Variants in SCAPER observed in about 807,000 individuals in gnomAD.
SCAPER encodes S phase cyclin A-associated protein in the endoplasmic reticulum.
In SCAPER, 98 loss-of-function variants were observed where a neutral mutation model predicts 182.2. The observed-to-expected ratio is 0.54, with a 90% confidence interval of 0.46 to 0.64. SCAPER has a LOEUF of 0.64. SCAPER is among the 30% of genes least tolerant of loss of function. SCAPER has a pLI of 0.00. For missense variants in SCAPER, 1,432 were observed against 1,690.0 expected, an observed-to-expected ratio of 0.85 and a Z score of 2.68; for synonymous variants, 605 against 564.6, an observed-to-expected ratio of 1.07 and a Z score of -1.01.
At chr15:76,795,489 C>T (rs1357842828) in intron 7 of SCAPER, 49 bp from the exon 8 acceptor site, 2 of 1,340,252 alleles carry the variant, frequency 1.5e-6, no homozygotes, top group Non-Finnish European at 9.8e-7. Context: ...AAAAGAAAAA[C>T]TTCTGAATAT....
At chr15:76,744,732 G>C (rs890966195) in intron 15 of SCAPER, among the ~76,000 whole-genome samples, 1 of 152,124 alleles carries the variant, frequency 6.6e-6, no homozygotes, top group African/African-American at 2.4e-5. Context: ...GGCAATTTCT[G>C]AAAGAACTTA....
At chr15:76,904,999 G>A (rs772507014) in intron 1 of SCAPER, among the ~76,000 whole-genome samples, 10 of 152,144 alleles carry the variant, frequency 6.6e-5, no homozygotes, top group Admixed American at 2.6e-4. Context: ...AGTGTGCGGG[G>A]TCTCACGTCC....
chr15:76,394,281 C>T (rs2043903785), intron 27 of SCAPER, among the ~76,000 whole-genome samples: 1 of 152,228 alleles, frequency 6.6e-6, no homozygotes, highest in Non-Finnish European at 1.5e-5. Flanking sequence ...ACTCAAGCTC[C>T]CCTTAGTTAA....
rs559107246 is a variant in SCAPER at position 76,671,428 on chromosome 15, C to T, written c.2509-5639G>A. Among the ~76,000 whole-genome samples, 5 of 152,128 alleles carry T rather than the reference C, an allele frequency of 3.3e-5. No homozygotes were observed. In the South Asian group the frequency reaches 8.3e-4, roughly 25 times the overall value. ...AGAGCAATTAGATATTAAAGTAAAA[C>T]CCATGAAAAATATTTACAACCATAC... On this transcript the variant is annotated intron_variant, in intron 20 of 31. Transcript: ENST00000563290.
chr15:76,433,418 G>A (rs1042865315), intron 26 of SCAPER, among the ~76,000 whole-genome samples: 2 of 152,158 alleles, frequency 1.3e-5, no homozygotes, highest in Admixed American at 6.5e-5. Context: ...TGAGGCAGAA[G>A]AATTGCTTGA....
rs564482814 is a variant in SCAPER at position 76,601,048 on chromosome 15, A to G, written c.2711+20716T>C. 1.0e-3 allele frequency among the ~76,000 whole-genome samples: 126 copies of G among 122,488 alleles called. 25 individuals are homozygous for G. In the South Asian group the frequency reaches 0.03, roughly 29 times the overall value. 80.4% of individuals were successfully genotyped at this position (122,488 alleles called of 152,430 possible). A position where few individuals can be genotyped will look rare whatever the true frequency, so the allele number is the denominator to read the frequency against. ...AAACCGAAGAAAAAATGTATTGAGA[A>G]TTAAAGAAAATGTTAATGTGGATAC... On this transcript the variant is annotated intron_variant, in intron 22 of 31. Transcript: ENST00000563290.
intron 8 of SCAPER, among the ~76,000 whole-genome samples, chr15:76,786,881 C>T (rs552791307): frequency 1.3e-5 from 2 of 152,058 alleles, no homozygotes; most frequent in African/African-American, 2.4e-5. Context: ...AAATTTAAAA[C>T]TTATAATCGC....
chr15:76,858,622 C>T (rs2071606112), intron 3 of SCAPER, among the ~76,000 whole-genome samples: 1 of 152,174 alleles, frequency 6.6e-6, no homozygotes, highest in African/African-American at 2.4e-5. Flanking sequence ...TCCTCCCACC[C>T]TCTACCCTCA....
At chr15:76,365,660 A>AT (rs34465105) in intron 29 of SCAPER, among the ~76,000 whole-genome samples, 43,841 of 151,862 alleles carry the variant, frequency 0.29, 7,259 homozygotes, top group East Asian at 0.58. Flanking sequence ...TTTATTTTGG[A>AT]TTTTTTTTGA....
intron 25 of SCAPER, among the ~76,000 whole-genome samples, chr15:76,436,031 A>T (rs2047176069): frequency 6.6e-6 from 1 of 151,724 alleles, no homozygotes; most frequent in African/African-American, 2.4e-5. Context: ...TTCTTTGCTA[A>T]TTTCCTCCCA....
chr15:76,492,385 TTTAA>T (rs1169921266), intron 24 of SCAPER, among the ~76,000 whole-genome samples: 1 of 152,340 alleles, frequency 6.6e-6, no homozygotes, highest in Non-Finnish European at 1.5e-5. Flanking sequence ...ATAATTGCTA[TTTAA>T]TTATGTTTAT....
intron 22 of SCAPER, among the ~76,000 whole-genome samples, chr15:76,619,663 T>C (rs1359356338): frequency 6.6e-6 from 1 of 152,232 alleles, no homozygotes; most frequent in Non-Finnish European, 1.5e-5. Flanking sequence ...TATGTATACA[T>C]GTGCCATGCT....
At chr15:76,489,452 T>G (rs2052056126) in intron 24 of SCAPER, among the ~76,000 whole-genome samples, 1 of 151,684 alleles carries the variant, frequency 6.6e-6, no homozygotes, top group African/African-American at 2.4e-5. Flanking sequence ...TCTAGTCAAC[T>G]CCTCTCCCAA....
At chr15:76,513,144 A>C (rs2042175268) in intron 23 of SCAPER, among the ~76,000 whole-genome samples, 1 of 152,204 alleles carries the variant, frequency 6.6e-6, no homozygotes, top group African/African-American at 2.4e-5. Context: ...CAAGAGTGGC[A>C]TCTGACTCAT....
intron 20 of SCAPER, among the ~76,000 whole-genome samples, chr15:76,700,845 C>T (rs375128104): frequency 6.6e-6 from 1 of 151,988 alleles, no homozygotes; most frequent in Admixed American, 6.6e-5. Flanking sequence ...TGAAGTCAGG[C>T]AGAAAAGAAT....
At chr15:76,813,252 AAAAC>A (rs1198518244) in intron 5 of SCAPER, among the ~76,000 whole-genome samples, 3 of 58,288 alleles carry the variant, frequency 5.1e-5, no homozygotes, top group African/African-American at 9.9e-5. Context: ...AAAAAAAAAA[AAAAC>A]AACTCAACAA....
rs117474498 is a variant in SCAPER, at chr15:76,430,883, C to T, written c.3311+3195G>A. 3.4e-4 allele frequency among the ~76,000 whole-genome samples: 51 copies of T among 152,232 alleles called. 1 individual carries two copies. In the East Asian group the frequency reaches 8.9e-3, roughly 26 times the overall value. On this transcript the variant is annotated intron_variant, in intron 26 of 31. Transcript: ENST00000563290. ...TAATGTGGTTTGGCTGCATCCCCAC[C>T]CAAACCTCATCTTGAATTCCCATGT... is the stretch of plus-strand genomic sequence containing the variant.
At chr15:76,520,942 C>T (rs561371969) in intron 23 of SCAPER, among the ~76,000 whole-genome samples, 10 of 152,144 alleles carry the variant, frequency 6.6e-5, no homozygotes, top group African/African-American at 2.2e-4. Context: ...GGGTCAGTGG[C>T]GGGAAGTTTT....
chr15:76,542,431 G>A (rs1458838052), intron 23 of SCAPER, among the ~76,000 whole-genome samples: 1 of 152,048 alleles, frequency 6.6e-6, no homozygotes. Flanking sequence ...GCTGAGGCAG[G>A]AGAATCGCTT....
Sources: gnomAD v4.1 joint callset for allele counts (sites outside exome capture counted in the v4.1 genomes callset) on GRCh38, gnomAD v4.1.1 for gene constraint, MANE v1.5 for transcripts, NCBI Gene and HGNC (gene_info 2026-07-23, HGNC 2026-07-21) for gene names.